PCDH15: variants seen among roughly 807,000 people sequenced by gnomAD.
PCDH15 encodes protocadherin-15.
PCDH15 carries 129 observed loss-of-function variants against 178.5 expected under a neutral mutation model. The observed-to-expected ratio is 0.72, with a 90% CI of 0.63 to 0.84. The LOEUF (loss-of-function observed/expected upper bound fraction) is 0.84, where lower values mean the gene tolerates loss of function less well. PCDH15 is among the 40% of genes least tolerant of loss of function. PCDH15 has a pLI of 0.00. For synonymous variants in PCDH15, 800 were observed against 732.0 expected, an observed-to-expected ratio of 1.09 and a Z score of -1.50; for missense variants, 2,230 against 2,099.9, an observed-to-expected ratio of 1.06 and a Z score of -1.21.
At chr10:54,521,059 T>A (rs1431470489) in intron 3 of PCDH15, among the ~76,000 whole-genome samples, 4 of 107,578 alleles carry the variant, frequency 3.7e-5, no homozygotes, top group African/African-American at 1.5e-4. Flanking sequence ...CTGGGGACTG[T>A]TGTGGGGTGG....
intron 2 of PCDH15, among the ~76,000 whole-genome samples, chr10:55,564,245 A>C (rs1200650131): frequency 1.3e-5 from 2 of 151,708 alleles, no homozygotes; most frequent in Non-Finnish European, 3.0e-5. Flanking sequence ...TTAATAACTA[A>C]AAAAATGTGA....
intron 2 of PCDH15, among the ~76,000 whole-genome samples, chr10:54,663,492 C>T (rs1333929492): frequency 6.7e-6 from 1 of 149,438 alleles, no homozygotes; most frequent in African/African-American, 2.4e-5. Context: ...TATTCTAAGA[C>T]AGATTCTGCC....
At chr10:55,271,605 A>C (rs1842446217) in intron 1 of PCDH15, among the ~76,000 whole-genome samples, 1 of 152,088 alleles carries the variant, frequency 6.6e-6, no homozygotes, top group South Asian at 2.1e-4. Context: ...ACGGGACAGC[A>C]ACTGGGAAGG....
intron 9 of PCDH15, among the ~76,000 whole-genome samples, chr10:54,233,342 A>G (rs181061394): frequency 1.3e-5 from 2 of 150,896 alleles, no homozygotes; most frequent in East Asian, 3.9e-4. Flanking sequence ...GTTACAAAGT[A>G]TTGTTATTTT....
chr10:54,744,015 T>C (rs542287324), intron 1 of PCDH15, among the ~76,000 whole-genome samples: 9 of 152,266 alleles, frequency 5.9e-5, no homozygotes, highest in Admixed American at 1.3e-4. Flanking sequence ...CTTCCAAGTC[T>C]AGATGACAAA....
At chr10:55,283,562 C>A (rs553676167) in intron 1 of PCDH15, among the ~76,000 whole-genome samples, 1 of 151,752 alleles carries the variant, frequency 6.6e-6, no homozygotes, top group Non-Finnish European at 1.5e-5. Flanking sequence ...TCCTTCCTTA[C>A]TACTTTTCTT....
intron 15 of PCDH15, among the ~76,000 whole-genome samples, chr10:54,107,169 C>A (rs543468020): frequency 1.9e-4 from 29 of 152,142 alleles, no homozygotes; most frequent in African/African-American, 6.7e-4. Flanking sequence ...ATGTTCTGTT[C>A]TCTTATATAC....
intron 13 of PCDH15, among the ~76,000 whole-genome samples, chr10:54,166,586 GT>G (rs2046252881): frequency 6.6e-6 from 1 of 152,160 alleles, no homozygotes; most frequent in Non-Finnish European, 1.5e-5. Flanking sequence ...TTAAATGTTT[GT>G]TTTTTCCCCT....
intron 2 of PCDH15, among the ~76,000 whole-genome samples, chr10:55,420,916 G>T (rs896444706): frequency 7.3e-5 from 11 of 151,578 alleles, no homozygotes; most frequent in African/African-American, 1.2e-4. Flanking sequence ...TAAATTAAAT[G>T]ATTATCTGCT....
Position 54,318,145 on chromosome 10 carries a change from G to A in PCDH15, c.706-704C>T, listed in dbSNP as rs531550412. Among the ~76,000 whole-genome samples the A allele has an allele frequency of 4.6e-5, 7 of 152,278 alleles. No individual in the cohort carries two copies. The South Asian group carries it at 1.4e-3, about 32-fold the overall frequency. ...AGGCCCATCTTTTTCATGCCCTGGG[G>A]GGCCATCTCTTTGAAATGTAATAGT... On this transcript the variant is annotated intron_variant, in intron 7 of 37. Transcript: ENST00000644397.
chr10:55,407,779 T>A (rs946858969), intron 2 of PCDH15, among the ~76,000 whole-genome samples: 1 of 152,136 alleles, frequency 6.6e-6, no homozygotes, highest in Non-Finnish European at 1.5e-5. Flanking sequence ...AGGCAACAAT[T>A]CCTAAATTTC....
chr10:53,979,285 T>C lies in PCDH15; in HGVS notation c.2868+16364A>G, dbSNP rs367553156. Reference sequence around the variant, plus strand: ...TTCACAGGGTGACAGCAAAGAGAAGTGCAGAGTGAAGTAAGGGAAAAATCC... The same window carrying C: ...TTCACAGGGTGACAGCAAAGAGAAGCGCAGAGTGAAGTAAGGGAAAAATCC... On this transcript the variant is annotated intron_variant, in intron 21 of 37. Transcript: ENST00000644397. Among the ~76,000 whole-genome samples the C allele has an allele frequency of 6.3e-4, 96 of 152,254 alleles. No individual in the cohort carries two copies. The Middle Eastern group carries it at 0.01, about 16-fold the overall frequency.
chr10:55,046,006 T>C (rs1840994686), intron 2 of PCDH15, among the ~76,000 whole-genome samples: 1 of 152,084 alleles, frequency 6.6e-6, no homozygotes, highest in Non-Finnish European at 1.5e-5. Context: ...TTTATTGCAT[T>C]AAATGGTATA....
intron 2 of PCDH15, among the ~76,000 whole-genome samples, chr10:54,655,298 G>GAGAGAGAGAGAGAGAGAC (rs1565866433): frequency 8.0e-5 from 9 of 112,620 alleles, no homozygotes; most frequent in Non-Finnish European, 1.6e-4. Context: ...GAGAGAGAGA[G>GAGAGAGAGAGAGAGAGAC]AGAGACAGAG....
At chr10:54,834,486 G>T (rs1953280552) in intron 3 of PCDH15, among the ~76,000 whole-genome samples, 1 of 151,346 alleles carries the variant, frequency 6.6e-6, no homozygotes, top group Non-Finnish European at 1.5e-5. Flanking sequence ...CTTATTACTA[G>T]AATTTAAACT....
At chr10:55,175,522 G>A (rs1839455645) in intron 1 of PCDH15, among the ~76,000 whole-genome samples, 1 of 151,686 alleles carries the variant, frequency 6.6e-6, no homozygotes, top group African/African-American at 2.4e-5. Context: ...AATTTCCCGG[G>A]CATGGTGGTG....
intron 3 of PCDH15, among the ~76,000 whole-genome samples, chr10:54,880,248 A>G (rs891624450): frequency 3.3e-5 from 5 of 152,156 alleles, no homozygotes; most frequent in Admixed American, 6.6e-5. Flanking sequence ...CAAAACTCCT[A>G]TGGAGATGAG....
intron 2 of PCDH15, among the ~76,000 whole-genome samples, chr10:55,562,047 C>T (rs1842210800): frequency 6.6e-6 from 1 of 151,872 alleles, no homozygotes. Context: ...CCACAGACAT[C>T]CTTTGATTTT....
intron 17 of PCDH15, 104 bp downstream of exon 17, chr10:54,079,227 G>A: frequency 9.1e-7 from 1 of 1,094,800 alleles, no homozygotes; most frequent in South Asian, 1.2e-5. Context: ...ATAAGAAGTT[G>A]CTCCAGATGA....
Sources: allele counts gnomAD v4.1 joint callset (sites outside exome capture counted in the v4.1 genomes callset), GRCh38; gene constraint gnomAD v4.1.1; transcripts MANE v1.5; gene names NCBI Gene and HGNC (gene_info 2026-07-23, HGNC 2026-07-21).